The following STXBP4 variants were observed in gnomAD, a reference collection of about 807,000 sequenced individuals.
STXBP4 encodes syntaxin binding protein 4, also known as syntaxin-binding protein 4.
STXBP4 carries 55 observed loss-of-function variants against 76.1 expected under a neutral mutation model. The observed-to-expected ratio is 0.72, with a 90% CI of 0.58 to 0.91. The LOEUF (loss-of-function observed/expected upper bound fraction) is 0.91, where lower values mean the gene tolerates loss of function less well. STXBP4 is among the 40% of genes least tolerant of loss of function. The pLI, the probability that STXBP4 is intolerant of heterozygous loss-of-function variation, is 0.00. For missense variants in STXBP4, 618 were observed against 636.9 expected, an observed-to-expected ratio of 0.97 and a Z score of 0.32; for synonymous variants, 201 against 220.2, an observed-to-expected ratio of 0.91 and a Z score of 0.77.
At chr17:55,026,121 A>C (rs922722110) in intron 8 of STXBP4, among the ~76,000 whole-genome samples, 3 of 152,204 alleles carry the variant, frequency 2.0e-5, no homozygotes, top group Non-Finnish European at 4.4e-5. Context: ...AGAAGACCTA[A>C]ATAAATGGAA....
intron 12 of STXBP4, among the ~76,000 whole-genome samples, chr17:55,050,618 TA>T (rs1266118710): frequency 1.3e-5 from 2 of 152,164 alleles, no homozygotes; most frequent in Non-Finnish European, 2.9e-5. Flanking sequence ...AGCAGAATAT[TA>T]ACATGTACCT....
downstream of STXBP4, among the ~76,000 whole-genome samples, chr17:55,174,369 T>G (rs2080421282): frequency 6.6e-6 from 1 of 152,230 alleles, no homozygotes; most frequent in Non-Finnish European, 1.5e-5. Context: ...TCAGTATTTT[T>G]TATTTTAACC....
rs1267393829 is a variant in STXBP4, at chr17:55,173,195, A to T, written c.*13284A>T. Reference sequence around the variant, plus strand: ...TAAAGTTTATTATTTTTTAATGCAGAAAAAAGTGACTTTTGGGGGAGTGCA... The same window carrying T: ...TAAAGTTTATTATTTTTTAATGCAGTAAAAAGTGACTTTTGGGGGAGTGCA... On this transcript the variant is annotated 3_prime_UTR_variant, in exon 18 of 18. Transcript: ENST00000376352. 1.3e-5 allele frequency: 2 copies of T among 152,194 alleles called. No individual in the cohort carries two copies. The highest frequency in any genetic ancestry group is 2.9e-5 in the Non-Finnish European group (2 of 68,036). 9.4% of individuals were successfully genotyped at this position (152,194 alleles called of 1,614,324 possible).
chr17:55,067,398 A>G (rs538075991), intron 12 of STXBP4, among the ~76,000 whole-genome samples: 1 of 152,330 alleles, frequency 6.6e-6, no homozygotes, highest in East Asian at 1.9e-4. Flanking sequence ...GACAAGTAAC[A>G]ACTAAATGAT....
chr17:55,022,802 C>A (rs769185279), intron 8 of STXBP4, among the ~76,000 whole-genome samples: 2 of 152,102 alleles, frequency 1.3e-5, no homozygotes, highest in Non-Finnish European at 1.5e-5. Context: ...GTGTTCCTGG[C>A]ATCATGTGAT....
chr17:55,041,530 C>T (rs963625534), intron 10 of STXBP4, among the ~76,000 whole-genome samples: 1 of 152,060 alleles, frequency 6.6e-6, no homozygotes, highest in African/African-American at 2.4e-5. Context: ...ATTTAAACTT[C>T]TGAATCCTGC....
chr17:55,124,807 C>T (rs1477655898), intron 16 of STXBP4, among the ~76,000 whole-genome samples: 1 of 152,200 alleles, frequency 6.6e-6, no homozygotes, highest in Non-Finnish European at 1.5e-5. Flanking sequence ...GAAAAGTAAG[C>T]GTAAGCTTCA....
chr17:55,037,946 T>C (rs981933196), intron 10 of STXBP4, among the ~76,000 whole-genome samples: 3 of 152,154 alleles, frequency 2.0e-5, no homozygotes, highest in East Asian at 1.9e-4. Flanking sequence ...CCCTACTTTT[T>C]TGAGTTCAAA....
At chr17:55,087,979 A>G (rs2079360601) in intron 16 of STXBP4, among the ~76,000 whole-genome samples, 1 of 152,038 alleles carries the variant, frequency 6.6e-6, no homozygotes, top group South Asian at 2.1e-4. Context: ...TAGAGGTATT[A>G]CCTCTTGCAA....
chr17:55,001,862 G>C (rs878873421), intron 7 of STXBP4, among the ~76,000 whole-genome samples: 1 of 152,116 alleles, frequency 6.6e-6, no homozygotes, highest in Non-Finnish European at 1.5e-5. Context: ...TCGATCTCCT[G>C]ACCTCGTGAT....
intron 1 of STXBP4, among the ~76,000 whole-genome samples, chr17:54,983,501 G>T (rs190586305): frequency 1.3e-5 from 2 of 152,240 alleles, no homozygotes; most frequent in African/African-American, 2.4e-5. Flanking sequence ...TTTGAGCAAG[G>T]TGTTACTATT....
chr17:54,979,316 A>T (rs1435254918), intron 1 of STXBP4, among the ~76,000 whole-genome samples: 3 of 152,242 alleles, frequency 2.0e-5, no homozygotes, highest in Non-Finnish European at 4.4e-5. Flanking sequence ...GCATTTTTAG[A>T]TACTTCTGAC....
At chr17:55,125,751 T>A (rs2079903633) in intron 16 of STXBP4, among the ~76,000 whole-genome samples, 1 of 152,128 alleles carries the variant, frequency 6.6e-6, no homozygotes, top group Non-Finnish European at 1.5e-5. Flanking sequence ...TTAAATTTTG[T>A]ATGTAGACAC....
rs980511854 is a variant in STXBP4 at position 55,165,768 on chromosome 17, A to G, written c.*5857A>G. ...AGGTCATGAGGCTCCATCCTGGTGAATGGGATTAGGACCCTTATGAAAGAG... is the reference window on the plus strand; with the variant it reads ...AGGTCATGAGGCTCCATCCTGGTGAGTGGGATTAGGACCCTTATGAAAGAG... On this transcript the variant is annotated 3_prime_UTR_variant, in exon 18 of 18. Transcript: ENST00000376352. The G allele has an allele frequency of 6.6e-6, 1 of 152,192 alleles. No individual in the cohort carries two copies. Among genetic ancestry groups the G allele is most frequent in the Non-Finnish European group, 1.5e-5 (1 of 68,056 alleles). The allele number at this position is 152,192 out of a possible 1,614,324, so 9.4% of individuals were successfully genotyped here.
intron 5 of STXBP4, 64 bp downstream of exon 5, chr17:54,999,515 A>G: frequency 6.8e-7 from 1 of 1,466,842 alleles, no homozygotes. Flanking sequence ...GCAGTAATTT[A>G]AGATGTATTA....
intron 12 of STXBP4, among the ~76,000 whole-genome samples, chr17:55,069,065 C>T (rs1217126704): frequency 1.2e-4 from 18 of 148,082 alleles, no homozygotes; most frequent in Non-Finnish European, 8.9e-5. Context: ...TTGGTCTGCT[C>T]TTTGAAGTTT....
In STXBP4 at chr17:55,121,103, A is replaced by C. The variant is rs369290772; in HGVS notation, c.1490-20207A>C. On this transcript the variant is annotated intron_variant, in intron 16 of 17. Transcript: ENST00000376352. ...TTCGGAAAATAATTTTTCAGAACCT[A>C]GTATGACTGAGGAAGATTCAGTACC... 1.5e-3 allele frequency among the ~76,000 whole-genome samples: 223 copies of C among 152,314 alleles called. 7 individuals are homozygous for C. The South Asian group carries it at 0.045, about 31-fold the overall frequency.
At chr17:55,007,189 A>G (rs1181204592) in intron 7 of STXBP4, among the ~76,000 whole-genome samples, 1 of 151,960 alleles carries the variant, frequency 6.6e-6, no homozygotes. Flanking sequence ...ATATACAAAA[A>G]TTAGCCAGGC....
At chr17:55,141,703 A>G (rs549117765) in intron 17 of STXBP4, among the ~76,000 whole-genome samples, 4 of 152,298 alleles carry the variant, frequency 2.6e-5, no homozygotes, top group East Asian at 3.9e-4. Flanking sequence ...CGTTTTGTAT[A>G]TCTTTGAAAG....
Sources: allele counts gnomAD v4.1 joint callset (sites outside exome capture counted in the v4.1 genomes callset), GRCh38; gene constraint gnomAD v4.1.1; transcripts MANE v1.5; gene names NCBI Gene and HGNC (gene_info 2026-07-23, HGNC 2026-07-21).